Variants in EXOC4 observed in about 807,000 individuals in gnomAD.
EXOC4 encodes the protein exocyst complex component 4, also known as SEC8-like 1.
In EXOC4, 71 loss-of-function variants were observed where a neutral mutation model predicts 107.2. The ratio of observed to expected loss-of-function variants is 0.66; its 90% CI spans 0.55 to 0.81. The LOEUF (loss-of-function observed/expected upper bound fraction) is 0.81, where lower values mean the gene tolerates loss of function less well. Ranked by LOEUF, EXOC4 falls within the 30% of genes least tolerant of loss-of-function variation. The probability of loss-of-function intolerance (pLI) is 0.00; values close to 1 mark genes in which losing one functional copy is unlikely to be tolerated. For synonymous variants in EXOC4, 456 were observed against 441.2 expected, an observed-to-expected ratio of 1.03 and a Z score of -0.42; for missense variants, 1,108 against 1,189.6, an observed-to-expected ratio of 0.93 and a Z score of 1.01.
chr7:133,829,591 C>T (rs977898042), intron 11 of EXOC4, among the ~76,000 whole-genome samples: 1 of 152,226 alleles, frequency 6.6e-6, no homozygotes, highest in Non-Finnish European at 1.5e-5. Context: ...TAGTTGACCA[C>T]ACTACCCCAA....
At chr7:133,745,812 A>G (rs545212388) in intron 10 of EXOC4, among the ~76,000 whole-genome samples, 1 of 143,028 alleles carries the variant, frequency 7.0e-6, no homozygotes, top group South Asian at 2.2e-4. Flanking sequence ...TCTAGCATGT[A>G]TGTTTTAAAT....
intron 11 of EXOC4, among the ~76,000 whole-genome samples, chr7:133,837,861 G>C (rs1797949318): frequency 6.6e-6 from 1 of 152,148 alleles, no homozygotes; most frequent in Non-Finnish European, 1.5e-5. Flanking sequence ...CAAAAACTTA[G>C]AAAACTTAAG....
At chr7:133,649,158 A>G (rs1389935022) in intron 10 of EXOC4, among the ~76,000 whole-genome samples, 1 of 152,032 alleles carries the variant, frequency 6.6e-6, no homozygotes, top group Non-Finnish European at 1.5e-5. Flanking sequence ...GGCATTGCAA[A>G]CCCTTTTTTA....
chr7:133,379,941 G>T (rs1796575622), intron 7 of EXOC4, among the ~76,000 whole-genome samples: 1 of 151,978 alleles, frequency 6.6e-6, no homozygotes, highest in Non-Finnish European at 1.5e-5. Flanking sequence ...TTAAAAATAG[G>T]TTTTTCTGGC....
intron 7 of EXOC4, among the ~76,000 whole-genome samples, chr7:133,419,127 T>G (rs1287127987): frequency 1.3e-5 from 2 of 152,098 alleles, no homozygotes; most frequent in African/African-American, 4.8e-5. Context: ...TAGGCAGAAT[T>G]AAAGAAGGTA....
chr7:133,427,259 C>T (rs773894389), intron 7 of EXOC4, among the ~76,000 whole-genome samples: 4 of 152,042 alleles, frequency 2.6e-5, no homozygotes, highest in East Asian at 3.9e-4. Flanking sequence ...CTGTGCTGCT[C>T]GACTCCCAGC....
chr7:133,381,853 G>T (rs1269104957), intron 7 of EXOC4, among the ~76,000 whole-genome samples: 1 of 152,140 alleles, frequency 6.6e-6, no homozygotes, highest in Non-Finnish European at 1.5e-5. Context: ...AAGTCTTTGT[G>T]TTGGGTAAGT....
chr7:133,455,385 A>G (rs917691044), intron 7 of EXOC4, among the ~76,000 whole-genome samples: 1 of 152,114 alleles, frequency 6.6e-6, no homozygotes, highest in African/African-American at 2.4e-5. Context: ...CCATGGGCCC[A>G]GGGGTTAGGG....
At chr7:133,706,331 G>A (rs1377254709) in intron 10 of EXOC4, among the ~76,000 whole-genome samples, 1 of 152,074 alleles carries the variant, frequency 6.6e-6, no homozygotes, top group Non-Finnish European at 1.5e-5. Flanking sequence ...TTACAAAATA[G>A]GCTTATCAAT....
chr7:133,476,838 A>T (rs943363115), intron 8 of EXOC4, among the ~76,000 whole-genome samples: 2 of 152,224 alleles, frequency 1.3e-5, no homozygotes, highest in African/African-American at 2.4e-5. Context: ...GTACAATATC[A>T]TAAAGGACTC....
chr7:133,666,172 G>T (rs182674228), intron 10 of EXOC4, among the ~76,000 whole-genome samples: 192 of 152,110 alleles, frequency 1.3e-3, no homozygotes, highest in Non-Finnish European at 4.6e-4. Flanking sequence ...CGGATGTGCT[G>T]GTTAACTAAT....
At chr7:133,356,723 G>T in intron 6 of EXOC4, 150 bp downstream of exon 6, 2 of 900,966 alleles carry the variant, frequency 2.2e-6, no homozygotes, top group Non-Finnish European at 3.3e-6. Flanking sequence ...GCTCACGCCT[G>T]TTATCCCAGC....
At chr7:133,278,201 T>G (rs1794042956) in intron 2 of EXOC4, among the ~76,000 whole-genome samples, 1 of 152,202 alleles carries the variant, frequency 6.6e-6, no homozygotes, top group African/African-American at 2.4e-5. Context: ...ATAGATAACG[T>G]TGAACAACAT....
At chr7:133,515,508 A>G (rs1285681089) in intron 9 of EXOC4, among the ~76,000 whole-genome samples, 2 of 152,080 alleles carry the variant, frequency 1.3e-5, no homozygotes, top group African/African-American at 4.8e-5. Flanking sequence ...TCATTCTGTT[A>G]CCTTGGCTGG....
chr7:133,447,274 C>T, intron 7 of EXOC4: 1 of 152,082 alleles, frequency 6.6e-6, no homozygotes, highest in East Asian at 1.9e-4. Flanking sequence ...CAATCAAAGA[C>T]TTCTGCTTGC....
At chr7:134,009,633 G>A (rs1240687321) in intron 17 of EXOC4, among the ~76,000 whole-genome samples, 1 of 152,056 alleles carries the variant, frequency 6.6e-6, no homozygotes, top group Non-Finnish European at 1.5e-5. Flanking sequence ...TTATTTGGTC[G>A]CTCTTATGGG....
intron 7 of EXOC4, among the ~76,000 whole-genome samples, chr7:133,398,303 A>T (rs577006587): frequency 1.1e-4 from 17 of 152,290 alleles, no homozygotes; most frequent in Non-Finnish European, 2.4e-4. Flanking sequence ...CAGTTAGTAT[A>T]TATGTTCATA....
At chr7:133,936,398 A>G (rs1258368101) in intron 13 of EXOC4, among the ~76,000 whole-genome samples, 21 of 152,250 alleles carry the variant, frequency 1.4e-4, no homozygotes, top group Admixed American at 1.4e-3. Context: ...CTATGTGTCA[A>G]TTAAGCATCT....
At chr7:133,779,332 T>C (rs959168713) in intron 10 of EXOC4, among the ~76,000 whole-genome samples, 1 of 152,204 alleles carries the variant, frequency 6.6e-6, no homozygotes, top group Non-Finnish European at 1.5e-5. Context: ...TTCTCAATAC[T>C]ACTAACTCTT....
Sources: allele counts gnomAD v4.1 joint callset (sites outside exome capture counted in the v4.1 genomes callset), GRCh38; gene constraint gnomAD v4.1.1; transcripts MANE v1.5; gene names NCBI Gene and HGNC (gene_info 2026-07-23, HGNC 2026-07-21).